The following CNTNAP2 variants were observed in gnomAD, a reference collection of about 807,000 sequenced individuals.
CNTNAP2 encodes contactin-associated protein-like 2.
A neutral mutation model predicts 155.2 loss-of-function variants in CNTNAP2; 98 were observed. That is an observed-to-expected ratio of 0.63 (90% CI 0.54 to 0.75). The LOEUF is 0.75. Ranked by LOEUF, CNTNAP2 falls within the 30% of genes least tolerant of loss-of-function variation. The probability of loss-of-function intolerance (pLI) is 0.00; values close to 1 mark genes in which losing one functional copy is unlikely to be tolerated. For synonymous variants in CNTNAP2, 651 were observed against 631.2 expected, an observed-to-expected ratio of 1.03 and a Z score of -0.47; for missense variants, 1,727 against 1,688.1, an observed-to-expected ratio of 1.02 and a Z score of -0.40.
chr7:147,332,875 C>A (rs1389711366), intron 9 of CNTNAP2, among the ~76,000 whole-genome samples: 1 of 152,002 alleles, frequency 6.6e-6, no homozygotes, highest in Non-Finnish European at 1.5e-5. Flanking sequence ...AAATAATAAT[C>A]ATCATAATTA....
chr7:146,628,091 T>C (rs1380922372), intron 1 of CNTNAP2, among the ~76,000 whole-genome samples: 2 of 152,168 alleles, frequency 1.3e-5, no homozygotes, highest in Non-Finnish European at 2.9e-5. Flanking sequence ...ATATCCATAC[T>C]TGTTCATATG....
At chr7:147,543,983 T>C (rs1375715566) in intron 11 of CNTNAP2, among the ~76,000 whole-genome samples, 1 of 152,212 alleles carries the variant, frequency 6.6e-6, no homozygotes, top group Non-Finnish European at 1.5e-5. Context: ...GCTACCTGTT[T>C]TAAACAAAAC....
At chr7:147,109,650 C>T (rs1800834158) in intron 5 of CNTNAP2, among the ~76,000 whole-genome samples, 2 of 152,000 alleles carry the variant, frequency 1.3e-5, no homozygotes, top group Non-Finnish European at 1.5e-5. Context: ...AAGATGAAGA[C>T]AGAGAGGCAA....
At chr7:148,012,904 G>A (rs1802106317) in intron 15 of CNTNAP2, among the ~76,000 whole-genome samples, 1 of 152,178 alleles carries the variant, frequency 6.6e-6, no homozygotes, top group Non-Finnish European at 1.5e-5. Context: ...GGTGGAGGTG[G>A]AGCTGCTGGT....
intron 3 of CNTNAP2, among the ~76,000 whole-genome samples, chr7:147,014,048 A>T (rs914039009): frequency 6.6e-6 from 1 of 152,174 alleles, no homozygotes; most frequent in African/African-American, 2.4e-5. Flanking sequence ...GTGGCATGAG[A>T]TCAGAGCTCT....
At chr7:146,596,382 G>C (rs141457003) in intron 1 of CNTNAP2, among the ~76,000 whole-genome samples, 1 of 151,982 alleles carries the variant, frequency 6.6e-6, no homozygotes, top group East Asian at 1.9e-4. Context: ...GTAATAATGA[G>C]AGGAAACAGT....
At chr7:147,206,767 A>G (rs1186915482) in intron 8 of CNTNAP2, among the ~76,000 whole-genome samples, 1 of 152,160 alleles carries the variant, frequency 6.6e-6, no homozygotes, top group East Asian at 1.9e-4. Flanking sequence ...CCTCATTAAA[A>G]CAATCATAAA....
intron 3 of CNTNAP2, among the ~76,000 whole-genome samples, chr7:146,872,518 T>C (rs1291912226): frequency 1.3e-5 from 2 of 152,180 alleles, no homozygotes; most frequent in Admixed American, 6.6e-5. Flanking sequence ...TTGTCAGTTA[T>C]TGAGTTTCTT....
At chr7:146,241,943 C>T (rs1022707369) in intron 1 of CNTNAP2, among the ~76,000 whole-genome samples, 1 of 152,086 alleles carries the variant, frequency 6.6e-6, no homozygotes, top group Admixed American at 6.6e-5. Context: ...TTTGCTCACA[C>T]TGAATTGGAA....
At chr7:147,213,432 T>C (rs1346597893) in intron 8 of CNTNAP2, among the ~76,000 whole-genome samples, 1 of 152,100 alleles carries the variant, frequency 6.6e-6, no homozygotes, top group African/African-American at 2.4e-5. Flanking sequence ...CTTAGCCCAG[T>C]TGAGTTGACA....
intron 18 of CNTNAP2, among the ~76,000 whole-genome samples, chr7:148,188,543 G>A (rs1213443877): frequency 2.6e-5 from 4 of 152,194 alleles, no homozygotes; most frequent in Non-Finnish European, 4.4e-5. Context: ...AAAGCCAGCA[G>A]GTCTGCACTG....
chr7:147,851,602 TC>T (rs1359643129), intron 13 of CNTNAP2, among the ~76,000 whole-genome samples: 3 of 150,312 alleles, frequency 2.0e-5, no homozygotes, highest in Non-Finnish European at 4.5e-5. Flanking sequence ...ATAAAAAATG[TC>T]CTTTGCAGGG....
chr7:147,218,871 C>T (rs1010199553), intron 8 of CNTNAP2, among the ~76,000 whole-genome samples: 4 of 152,182 alleles, frequency 2.6e-5, no homozygotes, highest in Admixed American at 2.6e-4. Flanking sequence ...TCTTGCAATT[C>T]TATCAGTTTT....
intron 17 of CNTNAP2, among the ~76,000 whole-genome samples, chr7:148,171,221 A>G (rs1805788269): frequency 6.6e-6 from 1 of 152,206 alleles, no homozygotes; most frequent in Admixed American, 6.5e-5. Flanking sequence ...CTGTATATAG[A>G]GTGCCTAGTA....
At chr7:147,156,144 G>A (rs144853114) in intron 8 of CNTNAP2, among the ~76,000 whole-genome samples, 2 of 152,220 alleles carry the variant, frequency 1.3e-5, no homozygotes, top group African/African-American at 4.8e-5. Context: ...AGATTTCGGA[G>A]CCTCATACCC....
intron 3 of CNTNAP2, among the ~76,000 whole-genome samples, chr7:146,893,620 A>G (rs574167154): frequency 1.3e-5 from 2 of 152,094 alleles, no homozygotes; most frequent in African/African-American, 2.4e-5. Context: ...CATCTGTTCT[A>G]GCTTCCGGTC....
At chr7:147,718,840 A>G (rs1796521036) in intron 13 of CNTNAP2, among the ~76,000 whole-genome samples, 1 of 152,120 alleles carries the variant, frequency 6.6e-6, no homozygotes, top group Non-Finnish European at 1.5e-5. Flanking sequence ...TTACATACAC[A>G]TATGCTTGTT....
intron 8 of CNTNAP2, among the ~76,000 whole-genome samples, chr7:147,265,574 TCTC>T (rs945084688): frequency 9.9e-5 from 15 of 152,220 alleles, no homozygotes; most frequent in African/African-American, 2.4e-4. Context: ...TTTAGTCTCT[TCTC>T]CTGCTAGCTC....
chr7:146,584,814 G>T (rs115221602), intron 1 of CNTNAP2, among the ~76,000 whole-genome samples: 5,045 of 152,214 alleles, frequency 0.033, 274 homozygotes, highest in African/African-American at 0.12. Context: ...AAGGTTATGG[G>T]ATTATCCTTA....
Sources: gnomAD v4.1 joint callset for allele counts (sites outside exome capture counted in the v4.1 genomes callset) on GRCh38, gnomAD v4.1.1 for gene constraint, MANE v1.5 for transcripts, NCBI Gene and HGNC (gene_info 2026-07-23, HGNC 2026-07-21) for gene names.